Variants in TAFA1 observed in about 807,000 individuals in gnomAD.
The protein encoded by TAFA1 is TAFA chemokine like family member 1, also known as chemokine-like protein TAFA-1.
A neutral mutation model predicts 18.5 loss-of-function variants in TAFA1; 4 were observed. The ratio of observed to expected loss-of-function variants is 0.22; its 90% CI spans 0.11 to 0.49. The LOEUF is 0.49. Among genes scored for constraint, TAFA1 ranks in the 20% least tolerant of loss-of-function variants. The pLI, the probability that TAFA1 is intolerant of heterozygous loss-of-function variation, is 0.98. For synonymous variants in TAFA1, 56 were observed against 55.2 expected (o/e 1.01, Z -0.06); for missense variants, 147 against 169.0 (o/e 0.87, Z 0.72).
chr3:68,380,150 C>A (rs1174984204), intron 2 of TAFA1, among the ~76,000 whole-genome samples: 6 of 152,140 alleles, frequency 3.9e-5, no homozygotes, highest in Non-Finnish European at 5.9e-5. Context: ...GCCACATTTT[C>A]TTAATCCAAT....
chr3:68,244,030 A>G (rs2067035765), intron 2 of TAFA1, among the ~76,000 whole-genome samples: 1 of 152,144 alleles, frequency 6.6e-6, no homozygotes, highest in Non-Finnish European at 1.5e-5. Context: ...CATTTTCCTA[A>G]TGTCTACTGA....
chr3:68,397,554 A>T (rs529870615), intron 2 of TAFA1, among the ~76,000 whole-genome samples: 156 of 152,282 alleles, frequency 1.0e-3, no homozygotes, highest in African/African-American at 3.5e-3. Context: ...TTCTTTATCC[A>T]GTCTATCATT....
intron 2 of TAFA1, among the ~76,000 whole-genome samples, chr3:68,300,240 C>G (rs1294645594): frequency 6.6e-6 from 1 of 151,400 alleles, no homozygotes; most frequent in South Asian, 2.1e-4. Context: ...TAGGAGCCCA[C>G]CTCTTGTATA....
chr3:68,192,720 A>C (rs1231932394), intron 2 of TAFA1: 2 of 151,810 alleles, frequency 1.3e-5, no homozygotes, highest in Admixed American at 1.3e-4. Flanking sequence ...TTAAAAAATA[A>C]AATAAAATTT....
chr3:68,444,696 C>A, intron 3 of TAFA1, among the ~76,000 whole-genome samples: 2 of 149,942 alleles, frequency 1.3e-5, no homozygotes, highest in Non-Finnish European at 1.5e-5. Flanking sequence ...CTTTGGGAGG[C>A]CAAGTCAGGA....
chr3:68,030,421 C>G (rs948791437), intron 2 of TAFA1, among the ~76,000 whole-genome samples: 1 of 152,124 alleles, frequency 6.6e-6, no homozygotes, highest in Admixed American at 6.6e-5. Flanking sequence ...CCTAACCCCC[C>G]ACCAGCCGAC....
intron 2 of TAFA1, among the ~76,000 whole-genome samples, chr3:68,321,931 T>C (rs7610006): frequency 0.017 from 2,642 of 152,330 alleles, 94 homozygotes; most frequent in East Asian, 0.17. Context: ...AAAAGATATA[T>C]TTCCACCTTA....
intron 3 of TAFA1, among the ~76,000 whole-genome samples, chr3:68,498,504 C>G (rs2106698962): frequency 6.6e-6 from 1 of 152,220 alleles, no homozygotes; most frequent in South Asian, 2.1e-4. Flanking sequence ...GTCTGAGTAT[C>G]TGCATTTCCT....
At chr3:68,240,176 A>T (rs147608776) in intron 2 of TAFA1, among the ~76,000 whole-genome samples, 176 of 152,272 alleles carry the variant, frequency 1.2e-3, no homozygotes, top group African/African-American at 4.1e-3. Context: ...ATGGCAAATG[A>T]TCTAAGAATA....
intron 2 of TAFA1, among the ~76,000 whole-genome samples, chr3:68,043,177 T>A (rs1430267347): frequency 6.6e-6 from 1 of 152,144 alleles, no homozygotes; most frequent in East Asian, 1.9e-4. Context: ...CAGCCTATAT[T>A]ATGCCATTCT....
chr3:68,013,455 G>A (rs138604358), intron 2 of TAFA1, among the ~76,000 whole-genome samples: 142,544 of 152,194 alleles, frequency 0.94, 66,930 homozygotes, highest in South Asian at 0.98. Flanking sequence ...CAAATGTAGT[G>A]AAAAATTAAA....
In TAFA1 at chr3:68,294,037, T is replaced by G. The variant is rs7616395; in HGVS notation, c.119-123243T>G. On this transcript the variant is annotated intron_variant, in intron 2 of 4. Coordinates refer to ENST00000478136, the MANE Select transcript of TAFA1 (RefSeq NM_213609.4). Reference sequence around the variant, plus strand: ...AGAGGAACATTACTAAAACATACTCTCAGCAGTTAAAATTGCCTCTGATTT... The same window carrying G: ...AGAGGAACATTACTAAAACATACTCGCAGCAGTTAAAATTGCCTCTGATTT... Among the ~76,000 whole-genome samples the G allele has an allele frequency of 3.3e-3, 506 of 152,362 alleles. 4 individuals are homozygous for G. The highest frequency in any genetic ancestry group is 0.012 in the African/African-American group (487 of 41,590).
rs549104130 is a variant in TAFA1, at chr3:68,035,002, C to T, written c.118+28258C>T. Among the ~76,000 whole-genome samples the T allele has an allele frequency of 4.6e-5, 7 of 152,262 alleles. No individual in the cohort carries two copies. In the East Asian group the frequency reaches 1.2e-3, roughly 25 times the overall value. The stretch of plus-strand genomic sequence containing the variant: ...ACCTGAAGATCCTGGCTTTGGGTCA[C>T]CTGCCCAATATTTACAGATAGGGCT... On this transcript the variant is annotated intron_variant, in intron 2 of 4. Transcript: ENST00000478136.
At chr3:68,205,075 G>A (rs750075327) in intron 2 of TAFA1, among the ~76,000 whole-genome samples, 2 of 151,768 alleles carry the variant, frequency 1.3e-5, no homozygotes, top group East Asian at 2.0e-4. Flanking sequence ...AGGTAAGCCC[G>A]AGAAAATGAA....
intron 3 of TAFA1, among the ~76,000 whole-genome samples, chr3:68,447,567 C>T (rs1305285135): frequency 6.6e-6 from 1 of 152,158 alleles, no homozygotes; most frequent in East Asian, 1.9e-4. Flanking sequence ...CATTAACAAG[C>T]CAAAGGTTTA....
At chr3:68,090,568 G>A (rs1343165367) in intron 2 of TAFA1, among the ~76,000 whole-genome samples, 1 of 152,154 alleles carries the variant, frequency 6.6e-6, no homozygotes, top group African/African-American at 2.4e-5. Flanking sequence ...CTGCATGTCT[G>A]GTGGTGTTTT....
chr3:68,069,962 T>C (rs1273594181), intron 2 of TAFA1, among the ~76,000 whole-genome samples: 1 of 152,184 alleles, frequency 6.6e-6, no homozygotes, highest in Non-Finnish European at 1.5e-5. Flanking sequence ...CCTGGCTTCT[T>C]TCACGGGCTG....
intron 2 of TAFA1, among the ~76,000 whole-genome samples, chr3:68,267,928 C>T (rs2067580517): frequency 6.6e-6 from 1 of 152,144 alleles, no homozygotes; most frequent in African/African-American, 2.4e-5. Flanking sequence ...CTAGATGCTA[C>T]TATAAATACA....
At chr3:68,374,653 C>T (rs2069773212) in intron 2 of TAFA1, among the ~76,000 whole-genome samples, 1 of 152,106 alleles carries the variant, frequency 6.6e-6, no homozygotes, top group Non-Finnish European at 1.5e-5. Context: ...TAACCCCATC[C>T]CATGTATTTC....
Sources: gnomAD v4.1 joint callset for allele counts (sites outside exome capture counted in the v4.1 genomes callset) on GRCh38, gnomAD v4.1.1 for gene constraint, MANE v1.5 for transcripts, NCBI Gene and HGNC (gene_info 2026-07-23, HGNC 2026-07-21) for gene names.